CNKSR2: variants seen among roughly 807,000 people sequenced by gnomAD.
CNKSR2 encodes the protein connector enhancer of kinase suppressor of Ras 2.
CNKSR2 carries 14 observed loss-of-function variants against 84.4 expected under a neutral mutation model. The observed-to-expected ratio is 0.17, with a 90% CI of 0.11 to 0.26. The LOEUF is 0.26. Among genes scored for constraint, CNKSR2 ranks in the 10% least tolerant of loss-of-function variants. The pLI, the probability that CNKSR2 is intolerant of heterozygous loss-of-function variation, is 1.00. For missense variants in CNKSR2, 485 were observed against 771.2 expected (o/e 0.63, Z 4.40); for synonymous variants, 275 against 277.9 (o/e 0.99, Z 0.10).
At chrX:21,604,186 AT>A (rs2092501972) in intron 18 of CNKSR2, among the ~76,000 whole-genome samples, 1 of 111,351 alleles carries the variant, frequency 9.0e-6, no homozygotes, top group African/African-American at 3.3e-5. Flanking sequence ...AAGAAAAAAA[AT>A]TAATTTGCAA....
Position 21,653,807 on chromosome X carries a change from T to C in CNKSR2, c.*1286T>C, listed in dbSNP as rs2092726002. ...TGCTTTTTAGTGTCTGGCTGCATAA[T>C]GTACAAGTCACAATTTGCTGTTTTT... On this transcript the variant is annotated 3_prime_UTR_variant, in exon 22 of 22. Transcript: ENST00000379510. The C allele has an allele frequency of 9.0e-6, 1 of 111,592 alleles. No homozygotes were observed. Among genetic ancestry groups the C allele is most frequent in the Admixed American group, 9.5e-5 (1 of 10,511 alleles). The allele number at this position is 111,592 out of a possible 1,213,427, so 9.2% of individuals were successfully genotyped here.
chrX:21,455,614 C>A (rs1601812322), intron 4 of CNKSR2, among the ~76,000 whole-genome samples: 1 of 111,992 alleles, frequency 8.9e-6, no homozygotes, highest in Non-Finnish European at 1.9e-5. Context: ...CTTTTTTAAT[C>A]CCCTTAAATC....
At chrX:21,606,669 G>A in intron 18 of CNKSR2, 110 bp from the exon 19 acceptor site, 1 of 482,516 alleles carries the variant, frequency 2.1e-6, no homozygotes, top group Middle Eastern at 3.9e-4. Context: ...GGAACATGAT[G>A]TTGGAACAGA....
At chrX:21,587,350 T>C (rs762946793) in intron 13 of CNKSR2, among the ~76,000 whole-genome samples, 4 of 111,829 alleles carry the variant, frequency 3.6e-5, no homozygotes, top group Non-Finnish European at 5.6e-5. Flanking sequence ...TATACTTACT[T>C]GAGCATAAAC....
intron 8 of CNKSR2, among the ~76,000 whole-genome samples, chrX:21,509,248 C>G (rs1289343500): frequency 8.9e-6 from 1 of 111,916 alleles, no homozygotes; most frequent in Non-Finnish European, 1.9e-5. Context: ...CGTTAAAAAA[C>G]CAAATGCCTT....
intron 4 of CNKSR2, among the ~76,000 whole-genome samples, chrX:21,457,932 A>G (rs1200416127): frequency 1.8e-5 from 2 of 112,251 alleles, no homozygotes; most frequent in Non-Finnish European, 3.8e-5. Context: ...TACAAAGAGA[A>G]TTGGTTTCAT....
intron 1 of CNKSR2, chrX:21,423,431 A>G (rs887490946): frequency 4.5e-4 from 50 of 112,227 alleles, no homozygotes; most frequent in Non-Finnish European, 7.7e-4. Context: ...ATTCTTCTAT[A>G]TAGAATTGAT....
chrX:21,480,406 C>T (rs750609771), intron 5 of CNKSR2, among the ~76,000 whole-genome samples: 1 of 112,013 alleles, frequency 8.9e-6, no homozygotes, highest in African/African-American at 3.2e-5. Context: ...AAAATCCAAG[C>T]TAAAATCAAA....
At chrX:21,388,740 T>C (rs1374187888) in intron 1 of CNKSR2, among the ~76,000 whole-genome samples, 1 of 111,337 alleles carries the variant, frequency 9.0e-6, no homozygotes, top group African/African-American at 3.3e-5. Context: ...TACAAATCAT[T>C]TATATACATA....
intron 1 of CNKSR2, among the ~76,000 whole-genome samples, chrX:21,411,817 A>G (rs150932865): frequency 9.6e-4 from 107 of 111,241 alleles, no homozygotes; most frequent in Middle Eastern, 9.2e-3. Flanking sequence ...GTGATTACTT[A>G]CTTAACATGA....
chrX:21,440,627 G>A, intron 3 of CNKSR2, 67 bp from the exon 4 acceptor site: 1 of 479,145 alleles, frequency 2.1e-6, no homozygotes, highest in Non-Finnish European at 3.5e-6. Context: ...CTCATTTTAG[G>A]CTACTATATT....
intron 13 of CNKSR2, among the ~76,000 whole-genome samples, chrX:21,583,242 C>G (rs1007667283): frequency 1.8e-5 from 2 of 111,472 alleles, no homozygotes; most frequent in Non-Finnish European, 3.8e-5. Flanking sequence ...CTGATTGACT[C>G]CAAGTTTTTC....
At chrX:21,442,657 C>T (rs1254480271) in intron 4 of CNKSR2, among the ~76,000 whole-genome samples, 2 of 111,597 alleles carry the variant, frequency 1.8e-5, no homozygotes, top group Non-Finnish European at 3.8e-5. Context: ...TCATTGTTTT[C>T]GCCATCTGTA....
intron 8 of CNKSR2, among the ~76,000 whole-genome samples, chrX:21,508,690 C>T (rs903331403): frequency 1.8e-5 from 2 of 111,687 alleles, no homozygotes; most frequent in African/African-American, 6.5e-5. Context: ...GCTGTATGTT[C>T]AAGATGCTGA....
rs771467696 is a variant in CNKSR2 at position 21,426,956 on chromosome X, A to G, written c.228+296A>G. On this transcript the variant is annotated intron_variant, in intron 2 of 21. Transcript: ENST00000379510. ...TTCATAGATGAACCACTCATGTGCT[A>G]GGCTCTCACACTGCCAGTTGAGAAA... The G allele has an allele frequency of 9.3e-5, 26 of 278,237 alleles. No homozygotes were observed. In the South Asian group the frequency reaches 1.9e-3, roughly 20 times the overall value. 22.9% of individuals were successfully genotyped at this position (278,237 alleles called of 1,213,427 possible).
Position 21,374,605 on chromosome X carries a change from CAG to C in CNKSR2, c.-292_-291del. ...AGCGGAGCGGCGGAGGCAGCAGCAG[CAG>C]CAGCAGCAGCAGCAGCAGCAGCAGC... On this transcript the variant is annotated 5_prime_UTR_variant, in exon 1 of 22. Transcript: ENST00000379510. 2.0e-6 allele frequency: 1 copy of C among 492,514 alleles called. No individual in the cohort carries two copies. The allele number at this position is 492,514 out of a possible 1,213,427, so 40.6% of individuals were successfully genotyped here.
chrX:21,587,868 T>C (rs1292128566), intron 13 of CNKSR2, among the ~76,000 whole-genome samples: 1 of 111,858 alleles, frequency 8.9e-6, no homozygotes, highest in African/African-American at 3.3e-5. Flanking sequence ...GAAGAACTCA[T>C]AGGACTCAAC....
At chrX:21,468,222 A>G (rs1004460297) in intron 4 of CNKSR2, among the ~76,000 whole-genome samples, 15 of 110,794 alleles carry the variant, frequency 1.4e-4, no homozygotes, top group African/African-American at 4.9e-4. Flanking sequence ...ATATTTGCTG[A>G]ATCAAGGGGA....
chrX:21,383,145 C>G lies in CNKSR2; in HGVS notation c.64+8184C>G, dbSNP rs375190851. Among the ~76,000 whole-genome samples the G allele has an allele frequency of 3.6e-5, 4 of 112,499 alleles. No homozygotes were observed. In the East Asian group the frequency reaches 1.1e-3, roughly 31 times the overall value. ...TCAGGCTTAAATGCTCTAGCTAGTACTGCAAAACAATGGATTGCAATTGTG... is the reference window on the plus strand; with the variant it reads ...TCAGGCTTAAATGCTCTAGCTAGTAGTGCAAAACAATGGATTGCAATTGTG... On this transcript the variant is annotated intron_variant, in intron 1 of 21. Coordinates refer to ENST00000379510, the MANE Select transcript of CNKSR2 (RefSeq NM_014927.5).
Sources: allele counts gnomAD v4.1 joint callset (sites outside exome capture counted in the v4.1 genomes callset), GRCh38; gene constraint gnomAD v4.1.1; transcripts MANE v1.5; gene names NCBI Gene and HGNC (gene_info 2026-07-23, HGNC 2026-07-21).